The following KRT26 variants were observed in gnomAD, a reference collection of about 807,000 sequenced individuals.
The protein encoded by KRT26 is keratin, type I cytoskeletal 26.
In KRT26, 45 loss-of-function variants were observed where a neutral mutation model predicts 46.1. The ratio of observed to expected loss-of-function variants is 0.98; its 90% CI spans 0.77 to 1.25. KRT26 has a LOEUF of 1.25. Among genes scored for constraint, KRT26 ranks in the 50% most tolerant of loss-of-function variants. The pLI is 0.00. For missense variants in KRT26, 582 were observed against 560.1 expected, an observed-to-expected ratio of 1.04 and a Z score of -0.39; for synonymous variants, 191 against 209.9, an observed-to-expected ratio of 0.91 and a Z score of 0.78.
chr17:40,771,317 T>C (rs2038219688), intron 1 of KRT26, 81 bp from the exon 2 acceptor site: 6 of 739,580 alleles, frequency 8.1e-6, no homozygotes, highest in Non-Finnish European at 9.2e-6. Flanking sequence ...TTATATCTTC[T>C]TAATCTGTCA....
chr17:40,770,588 G>T (rs1033886016), intron 2 of KRT26, among the ~76,000 whole-genome samples, 179 bp from the exon 3 acceptor site: 1 of 152,190 alleles, frequency 6.6e-6, no homozygotes, highest in Non-Finnish European at 1.5e-5. Context: ...GTATTTTGGG[G>T]ATGTTATTTC....
In KRT26 at chr17:40,770,095, CA is replaced by C; in HGVS notation, c.708del (p.Asn239ThrfsTer2). ...TTCATCTCCACGTTCACGTTCCCCC[CA>C]GCTGTATATTGCAAGACTTCCATTT... On this transcript the variant is annotated frameshift_variant, in exon 4 of 8. Coordinates refer to ENST00000335552, the Ensembl canonical transcript of KRT26. LOFTEE classifies it high-confidence loss of function. 4 of 1,614,222 alleles carry C rather than the reference CA, an allele frequency of 2.5e-6. No individual in the cohort carries two copies. Among genetic ancestry groups the C allele is most frequent in the Non-Finnish European group, 3.4e-6 (4 of 1,180,030 alleles).
chr17:40,771,637 G>A, intron 1 of KRT26, 36 bp downstream of exon 1: 1 of 1,523,378 alleles, frequency 6.6e-7, no homozygotes. Flanking sequence ...AACACACAAA[G>A]TCTGTAGTAA....
chr17:40,766,750 G>A, intron 7 of KRT26, 84 bp from the exon 8 acceptor site: 1 of 1,008,444 alleles, frequency 9.9e-7, no homozygotes, highest in South Asian at 1.5e-5. Flanking sequence ...TTGTTTGTTT[G>A]TTTTTTTGAG....
At chr17:40,767,486 A>ACTCC in intron 7 of KRT26, 100 bp downstream of exon 7, 1 of 652,802 alleles carries the variant, frequency 1.5e-6, no homozygotes, top group Non-Finnish European at 2.5e-6. Context: ...CCAGAAGTAA[A>ACTCC]CTTAAAAACA....
At chr17:40,772,164 G>C (rs758003394), upstream of KRT26, 2 of 1,501,908 alleles carry the variant, frequency 1.3e-6, no homozygotes, top group Non-Finnish European at 1.8e-6. Context: ...GCAAAGCCAG[G>C]GTTCACCTTC....
exon 1 of KRT26, chr17:40,772,034 C>T (rs2038226951): frequency 2.5e-6 from 4 of 1,614,152 alleles, no homozygotes; most frequent in East Asian, 4.5e-5. Flanking sequence ...AGCCACGAAG[C>T]CTGTTCCTCC....
At chr17:40,766,844 A>T (rs1156688183) in intron 7 of KRT26, among the ~76,000 whole-genome samples, 178 bp from the exon 8 acceptor site, 2 of 151,988 alleles carry the variant, frequency 1.3e-5, no homozygotes, top group Non-Finnish European at 2.9e-5. Context: ...GGTTCAAGAG[A>T]TTCTTCTGCC....
chr17:40,770,465 A>C (rs1025972497), intron 2 of KRT26, 56 bp from the exon 3 acceptor site: 1 of 1,404,860 alleles, frequency 7.1e-7, no homozygotes. Flanking sequence ...GCAAAGCACA[A>C]CTTTTTAAGG....
At chr17:40,766,486 T>G in exon 8 of KRT26, 2 of 1,520,072 alleles carry the variant, frequency 1.3e-6, no homozygotes, top group African/African-American at 1.4e-5. Flanking sequence ...CTCTCTTTCT[T>G]TCTTTCTTTC....
intron 5 of KRT26, among the ~76,000 whole-genome samples, 186 bp downstream of exon 5, chr17:40,769,568 T>TTTTTAC (rs2144145724): frequency 6.6e-6 from 1 of 152,322 alleles, no homozygotes; most frequent in Non-Finnish European, 1.5e-5. Context: ...TCCTCTATTG[T>TTTTTAC]AAAAAGGCAT....
rs774168064 is a variant in KRT26, at chr17:40,769,889, A to G, written c.844-10T>C. On this transcript the variant is annotated splice_polypyrimidine_tract_variant and intron_variant, in intron 4 of 7. Transcript: ENST00000335552. ...GTTGCAGCGTTGCACTCTGAAGTGT[A>G]ATTGTCGAAAGGGTTAGTGACTGGC... 6.2e-7 allele frequency: 1 copy of G among 1,614,004 alleles called. No homozygotes were observed. The highest frequency in any genetic ancestry group is 1.3e-5 in the African/African-American group (1 of 74,892).
chr17:40,770,062 G>C (rs1363069126), exon 4 of KRT26: 2 of 1,614,060 alleles, frequency 1.2e-6, no homozygotes, highest in Non-Finnish European at 8.5e-7. Context: ...TCCACTCCTG[G>C]GGTTGCATTC....
At chr17:40,766,495 T>G (rs1243051970) in exon 8 of KRT26, 1 of 1,531,078 alleles carries the variant, frequency 6.5e-7, no homozygotes, top group Non-Finnish European at 8.8e-7. Context: ...TTTCTTTCTT[T>G]CCAAATAACT....
exon 2 of KRT26, chr17:40,771,215 T>G: frequency 6.2e-7 from 1 of 1,605,334 alleles, no homozygotes; most frequent in Non-Finnish European, 8.5e-7. Context: ...ATGCTGGCAT[T>G]GCAGATGGTC....
exon 1 of KRT26, chr17:40,772,014 A>T: frequency 8.7e-6 from 14 of 1,614,092 alleles, no homozygotes; most frequent in Non-Finnish European, 1.2e-5. Context: ...GATCCAACAC[A>T]CACATTCCCA....
Position 40,767,661 on chromosome 17 carries a change from G to A in KRT26, c.1188-8C>T. 2 of 1,576,938 alleles carry A rather than the reference G, an allele frequency of 1.3e-6. No homozygotes were observed. The highest frequency in any genetic ancestry group is 8.7e-7 in the Non-Finnish European group (1 of 1,153,560). On this transcript the variant is annotated splice_region_variant and splice_polypyrimidine_tract_variant and intron_variant, in intron 6 of 7. Coordinates refer to ENST00000335552, the Ensembl canonical transcript of KRT26. ...CATGTGGATTTGCTTTTTCTGTGAA[G>A]AGAAGAGTAAATTATTGCATTTTTT... is the stretch of plus-strand genomic sequence containing the variant.
chr17:40,768,998 C>A (rs752397607), exon 6 of KRT26: 6 of 1,613,726 alleles, frequency 3.7e-6, no homozygotes, highest in Non-Finnish European at 1.7e-6. Context: ...GAATCTGTTG[C>A]AGTTGTTCCT....
chr17:40,767,672 A>G lies in KRT26; in HGVS notation c.1188-19T>C. ...GCTTTTTCTGTGAAGAGAAGAGTAA[A>G]TTATTGCATTTTTTTTTCTTTCCTT... On this transcript the variant is annotated intron_variant, in intron 6 of 7. Transcript: ENST00000335552. The G allele has an allele frequency of 6.7e-7, 1 of 1,495,250 alleles. No homozygotes were observed. Among genetic ancestry groups the G allele is most frequent in the Non-Finnish European group, 9.2e-7 (1 of 1,084,678 alleles). 92.6% of individuals were successfully genotyped at this position (1,495,250 alleles called of 1,614,324 possible).
Sources: gnomAD v4.1 joint callset for allele counts (sites outside exome capture counted in the v4.1 genomes callset) on GRCh38, gnomAD v4.1.1 for gene constraint, MANE v1.5 for transcripts, NCBI Gene and HGNC (gene_info 2026-07-23, HGNC 2026-07-21) for gene names.